Variants in EPHB2 observed in about 807,000 individuals in gnomAD.
EPHB2 encodes the protein ephrin type-B receptor 2.
EPHB2 carries 18 observed loss-of-function variants against 96.4 expected under a neutral mutation model. The ratio of observed to expected loss-of-function variants is 0.19; its 90% confidence interval spans 0.13 to 0.28. The LOEUF (loss-of-function observed/expected upper bound fraction) is 0.28, where lower values mean the gene tolerates loss of function less well. EPHB2 is among the 10% of genes least tolerant of loss of function. EPHB2 has a pLI of 1.00. For missense variants in EPHB2, 989 were observed against 1,355.4 expected, an observed-to-expected ratio of 0.73 and a Z score of 4.25; for synonymous variants, 506 against 534.1, an observed-to-expected ratio of 0.95 and a Z score of 0.72.
intron 1 of EPHB2, among the ~76,000 whole-genome samples, chr1:22,769,286 G>A (rs1644347308): frequency 6.6e-6 from 1 of 152,230 alleles, no homozygotes. Flanking sequence ...GGTAGAATGT[G>A]GAGCTTGGAA....
At chr1:22,839,589 A>G (rs568115110) in intron 3 of EPHB2, among the ~76,000 whole-genome samples, 2 of 152,306 alleles carry the variant, frequency 1.3e-5, no homozygotes, top group South Asian at 4.1e-4. Flanking sequence ...GTTAGGGGGC[A>G]GGGTGGTGGT....
At chr1:22,747,736 C>A (rs1451446019) in intron 1 of EPHB2, among the ~76,000 whole-genome samples, 1 of 152,228 alleles carries the variant, frequency 6.6e-6, no homozygotes, top group African/African-American at 2.4e-5. Context: ...CGACCTGTCT[C>A]CTCACCTGGA....
chr1:22,739,061 A>G lies in EPHB2; in HGVS notation c.61+28018A>G, dbSNP rs188830362. Among the ~76,000 whole-genome samples the G allele has an allele frequency of 3.5e-3, 531 of 152,250 alleles. 2 individuals carry two copies. The highest frequency in any genetic ancestry group is 0.012 in the African/African-American group (510 of 41,534). ...TTATGTTGTGTACTTTTTTTTAGCA[A>G]CAGGGTCTTGCTTTATCACCCAGGC... On this transcript the variant is annotated intron_variant, in intron 1 of 15. Coordinates refer to ENST00000374630, the MANE Select transcript of EPHB2 (RefSeq NM_017449.5).
At chr1:22,792,184 G>T (rs1644703491) in intron 3 of EPHB2, among the ~76,000 whole-genome samples, 1 of 152,054 alleles carries the variant, frequency 6.6e-6, no homozygotes, top group Admixed American at 6.6e-5. Context: ...AGAAGTGTCT[G>T]GGGGAGTCTG....
At chr1:22,854,564 C>G (rs1409047951) in intron 3 of EPHB2, among the ~76,000 whole-genome samples, 3 of 152,132 alleles carry the variant, frequency 2.0e-5, no homozygotes, top group Non-Finnish European at 4.4e-5. Flanking sequence ...ATGTTCTGAC[C>G]CTAAGTCTCT....
intron 3 of EPHB2, among the ~76,000 whole-genome samples, chr1:22,853,429 C>T (rs1486685993): frequency 6.6e-6 from 1 of 152,224 alleles, no homozygotes; most frequent in Admixed American, 6.5e-5. Flanking sequence ...TCACTGTGCT[C>T]ACAGCCTCCT....
At chr1:22,775,709 G>A (rs1644441654) in intron 1 of EPHB2, among the ~76,000 whole-genome samples, 1 of 152,216 alleles carries the variant, frequency 6.6e-6, no homozygotes, top group African/African-American at 2.4e-5. Context: ...GCTTTCTTCT[G>A]TGCAGCCTCC....
At chr1:22,718,135 C>G (rs912925893) in intron 1 of EPHB2, among the ~76,000 whole-genome samples, 1 of 152,172 alleles carries the variant, frequency 6.6e-6, no homozygotes, top group South Asian at 2.1e-4. Context: ...AGCTCTCCCC[C>G]ACCCACTGTG....
At chr1:22,912,828 C>T (rs1289926270) in intron 15 of EPHB2, 1 of 587,690 alleles carries the variant, frequency 1.7e-6, no homozygotes, top group Non-Finnish European at 3.1e-6. Flanking sequence ...CCCTCAGCCT[C>T]CGTTTTCTCA....
At chr1:22,759,928 G>A (rs1342261417) in intron 1 of EPHB2, among the ~76,000 whole-genome samples, 2 of 152,202 alleles carry the variant, frequency 1.3e-5, no homozygotes, top group Non-Finnish European at 2.9e-5. Context: ...GGCGAGTGGA[G>A]AGGCTCAAGA....
chr1:22,909,774 T>C (rs865830505), intron 13 of EPHB2, among the ~76,000 whole-genome samples: 34 of 152,126 alleles, frequency 2.2e-4, no homozygotes, highest in African/African-American at 8.2e-4. Context: ...TCGAAGAAAC[T>C]TCTTACACAG....
chr1:22,775,135 G>A (rs975870208), intron 1 of EPHB2: 9 of 774,314 alleles, frequency 1.2e-5, no homozygotes, highest in Non-Finnish European at 2.2e-5. Flanking sequence ...TTGTTGTTTT[G>A]TGTTGTCTGT....
At chr1:22,837,396 G>A (rs1490467416) in intron 3 of EPHB2, among the ~76,000 whole-genome samples, 1 of 152,154 alleles carries the variant, frequency 6.6e-6, no homozygotes, top group East Asian at 1.9e-4. Flanking sequence ...GGGAGGATGT[G>A]ATGTTTACAG....
chr1:22,829,806 C>T (rs1002873116), intron 3 of EPHB2, among the ~76,000 whole-genome samples: 9 of 152,012 alleles, frequency 5.9e-5, no homozygotes, highest in Admixed American at 2.6e-4. Context: ...GTAGGGATGA[C>T]GGATGGCAGG....
At chr1:22,751,413 C>G (rs923350546) in intron 1 of EPHB2, among the ~76,000 whole-genome samples, 1 of 152,218 alleles carries the variant, frequency 6.6e-6, no homozygotes, top group African/African-American at 2.4e-5. Context: ...TGGGAACAGG[C>G]AGATCTGAGC....
At chr1:22,756,251 A>C (rs958413166) in intron 1 of EPHB2, among the ~76,000 whole-genome samples, 1 of 151,994 alleles carries the variant, frequency 6.6e-6, no homozygotes, top group African/African-American at 2.4e-5. Flanking sequence ...GACATGATAA[A>C]GGGGGTGTTC....
chr1:22,781,361 A>G (rs1286193046), intron 1 of EPHB2, 60 bp from the exon 2 acceptor site: 2 of 1,537,186 alleles, frequency 1.3e-6, no homozygotes, highest in Admixed American at 3.4e-5. Flanking sequence ...AGGGCCCAAC[A>G]GAAAGATTGA....
In EPHB2 at chr1:22,819,121, A is replaced by G. The variant is rs1393474018; in HGVS notation, c.811+34045A>G. Among the ~76,000 whole-genome samples the G allele has an allele frequency of 4.6e-5, 7 of 151,980 alleles. No individual in the cohort carries two copies. The East Asian group carries it at 1.4e-3, about 30-fold the overall frequency. On this transcript the variant is annotated intron_variant, in intron 3 of 15. Transcript: ENST00000374630. ...CCTCTCTGTGCCTTTGCTGCCGAGG[A>G]GCTATAAAAAGACAAGCCTGAATTA...
At position 22,913,434 on chromosome 1, in the gene EPHB2, C is replaced by A; in HGVS notation, c.2853-28C>A. Reference sequence around the variant, plus strand: ...ACAGGACCCCTTCACCCGCATATTTCCCTAACACACGTGCTTCTCTCCCAA... The same window carrying A: ...ACAGGACCCCTTCACCCGCATATTTACCTAACACACGTGCTTCTCTCCCAA... On this transcript the variant is annotated intron_variant, in intron 15 of 15. Coordinates refer to ENST00000374630, the MANE Select transcript of EPHB2 (RefSeq NM_017449.5). This position sits in a 1 kb window ranked among gnomAD's most constrained non-coding sequence, Gnocchi z 4.1. 6.2e-7 allele frequency: 1 copy of A among 1,613,400 alleles called. No individual in the cohort carries two copies. Among genetic ancestry groups the A allele is most frequent in the Non-Finnish European group, 8.5e-7 (1 of 1,179,754 alleles).
Sources: gnomAD v4.1 joint callset for allele counts (sites outside exome capture counted in the v4.1 genomes callset) on GRCh38, gnomAD v4.1.1 for gene constraint, Gnocchi (gnomAD v3.1) non-coding constraint, MANE v1.5 for transcripts, NCBI Gene and HGNC (gene_info 2026-07-23, HGNC 2026-07-21) for gene names.